Variants in VWC2L observed in about 807,000 individuals in gnomAD.
The protein encoded by VWC2L is von Willebrand factor C domain containing 2 like, also known as von Willebrand factor C domain-containing protein 2-like.
VWC2L carries 10 observed loss-of-function variants against 21.6 expected under a neutral mutation model. That is an observed-to-expected ratio of 0.46 (90% CI 0.29 to 0.78). The LOEUF (loss-of-function observed/expected upper bound fraction) is 0.78. Among genes scored for constraint, VWC2L ranks in the 30% least tolerant of loss-of-function variants. The probability of loss-of-function intolerance (pLI) is 0.10; values close to 1 mark genes in which losing one functional copy is unlikely to be tolerated. For synonymous variants in VWC2L, 96 were observed against 94.3 expected, an observed-to-expected ratio of 1.02 and a Z score of -0.10; for missense variants, 209 against 277.1, an observed-to-expected ratio of 0.75 and a Z score of 1.74.
chr2:214,540,078 G>A (rs569314587), intron 3 of VWC2L, among the ~76,000 whole-genome samples: 12 of 152,210 alleles, frequency 7.9e-5, no homozygotes, highest in Middle Eastern at 3.4e-3. Context: ...TATTTGTTTG[G>A]TGAGAGGCCC....
At chr2:214,480,190 C>T (rs1009418040) in intron 3 of VWC2L, among the ~76,000 whole-genome samples, 1 of 152,060 alleles carries the variant, frequency 6.6e-6, no homozygotes, top group Non-Finnish European at 1.5e-5. Flanking sequence ...GGAACTAATG[C>T]CCTGTGTATA....
chr2:214,413,892 G>A (rs545484627), intron 1 of VWC2L, among the ~76,000 whole-genome samples: 1 of 152,114 alleles, frequency 6.6e-6, no homozygotes, highest in South Asian at 2.1e-4. Flanking sequence ...CAAGCTGAAG[G>A]TTCCTATATA....
At chr2:214,497,197 T>C (rs540663859) in intron 3 of VWC2L, among the ~76,000 whole-genome samples, 237 of 102,590 alleles carry the variant, frequency 2.3e-3, no homozygotes, top group African/African-American at 8.7e-3. Context: ...TTTTATTTGA[T>C]AGTGTATTGG....
chr2:214,435,575 G>A lies in VWC2L; in HGVS notation c.391-1054G>A, dbSNP rs115146512. Reference sequence around the variant, plus strand: ...AGGGAAGAAATAAGAGCTGACAAGGGTTTTGGACAGTAGTCACTGAAACAA... The same window carrying A: ...AGGGAAGAAATAAGAGCTGACAAGGATTTTGGACAGTAGTCACTGAAACAA... On this transcript the variant is annotated intron_variant, in intron 2 of 3. Coordinates refer to ENST00000312504, the MANE Select transcript of VWC2L (RefSeq NM_001080500.4). Among the ~76,000 whole-genome samples the A allele has an allele frequency of 3.1e-3, 469 of 152,246 alleles. 2 individuals are homozygous for A. The highest frequency in any genetic ancestry group is 0.011 in the African/African-American group (446 of 41,552).
intron 3 of VWC2L, among the ~76,000 whole-genome samples, chr2:214,460,778 A>T: frequency 6.6e-6 from 1 of 150,882 alleles, no homozygotes; most frequent in African/African-American, 2.4e-5. Flanking sequence ...TTTCATTGGA[A>T]TGTGTTACTG....
chr2:214,569,335 A>T (rs1446075963), intron 3 of VWC2L, among the ~76,000 whole-genome samples: 1 of 152,076 alleles, frequency 6.6e-6, no homozygotes, highest in African/African-American at 2.4e-5. Context: ...ACACACACAC[A>T]GACACACACA....
intron 3 of VWC2L, among the ~76,000 whole-genome samples, chr2:214,509,182 C>G (rs946248130): frequency 1.3e-5 from 2 of 152,132 alleles, no homozygotes; most frequent in African/African-American, 4.8e-5. Flanking sequence ...GAAATCACCT[C>G]CCATATAAAC....
intron 3 of VWC2L, among the ~76,000 whole-genome samples, chr2:214,457,635 A>T (rs564596168): frequency 2.0e-5 from 3 of 152,082 alleles, no homozygotes; most frequent in Non-Finnish European, 4.4e-5. Context: ...TTTGCTATAT[A>T]TGGGCTTTAT....
chr2:214,566,095 G>T (rs542826786), intron 3 of VWC2L, among the ~76,000 whole-genome samples: 1 of 152,288 alleles, frequency 6.6e-6, no homozygotes, highest in Non-Finnish European at 1.5e-5. Context: ...ATCTAACAAG[G>T]TGGGGTTAGT....
At chr2:214,519,060 A>C (rs184044972) in intron 3 of VWC2L, among the ~76,000 whole-genome samples, 3 of 152,328 alleles carry the variant, frequency 2.0e-5, no homozygotes, top group Admixed American at 2.0e-4. Flanking sequence ...CAGGTTGCTT[A>C]TACAAACTTT....
intron 2 of VWC2L, among the ~76,000 whole-genome samples, chr2:214,435,946 T>C (rs758627975): frequency 6.6e-6 from 1 of 152,168 alleles, no homozygotes; most frequent in Non-Finnish European, 1.5e-5. Context: ...TTAATTATCA[T>C]TTTTAGTTCC....
intron 3 of VWC2L, among the ~76,000 whole-genome samples, chr2:214,501,614 C>G (rs374040829): frequency 1.3e-5 from 2 of 148,412 alleles, no homozygotes. Context: ...CCCAGCTACT[C>G]GGGAGGCTGA....
At chr2:214,424,306 C>A (rs1444766071) in intron 2 of VWC2L, among the ~76,000 whole-genome samples, 1 of 152,090 alleles carries the variant, frequency 6.6e-6, no homozygotes, top group Non-Finnish European at 1.5e-5. Context: ...ATGATGCATC[C>A]TTTAACCTCT....
chr2:214,529,486 G>T lies in VWC2L; in HGVS notation c.521-46186G>T, dbSNP rs376842018. Among the ~76,000 whole-genome samples the T allele has an allele frequency of 1.9e-3, 282 of 152,188 alleles. 1 individual carries two copies. Among genetic ancestry groups the T allele is most frequent in the African/African-American group, 6.5e-3 (272 of 41,528 alleles). ...TACGGAAACTCAATGACCAAACTCT[G>T]TTTTCTCCTTTATTTTTTATATGCC... On this transcript the variant is annotated intron_variant, in intron 3 of 3. Transcript: ENST00000312504.
At chr2:214,558,809 T>C (rs1408339047) in intron 3 of VWC2L, among the ~76,000 whole-genome samples, 1 of 140,266 alleles carries the variant, frequency 7.1e-6, no homozygotes, top group African/African-American at 2.8e-5. Context: ...CCAACTATAG[T>C]TTTGTTTTTT....
chr2:214,503,825 A>G (rs1688929806), intron 3 of VWC2L, among the ~76,000 whole-genome samples: 1 of 151,994 alleles, frequency 6.6e-6, no homozygotes, highest in African/African-American at 2.4e-5. Flanking sequence ...GCTTTTTGTT[A>G]TATCTTTTCT....
intron 2 of VWC2L, 80 bp from the exon 3 acceptor site, chr2:214,436,549 T>A (rs1702682017): frequency 1.3e-6 from 2 of 1,520,454 alleles, no homozygotes; most frequent in South Asian, 1.2e-5. Flanking sequence ...TAAGCACTGA[T>A]GTTTTGTCTT....
rs79359275 is a variant in VWC2L at position 214,468,794 on chromosome 2, A to C, written c.520+32036A>C. ...TTTGACAAGCCACCAAACACAGCAT[A>C]GGTTTGCTGACTTAAAACCAAAACT... On this transcript the variant is annotated intron_variant, in intron 3 of 3. Coordinates refer to ENST00000312504, the MANE Select transcript of VWC2L (RefSeq NM_001080500.4). Among the ~76,000 whole-genome samples the C allele has an allele frequency of 3.0e-3, 454 of 152,286 alleles. 3 individuals carry two copies. The highest frequency in any genetic ancestry group is 0.01 in the African/African-American group (432 of 41,562).
intron 3 of VWC2L, among the ~76,000 whole-genome samples, chr2:214,454,093 G>A (rs2126185897): frequency 1.3e-5 from 2 of 151,980 alleles, no homozygotes; most frequent in South Asian, 4.2e-4. Flanking sequence ...TATAGAAATA[G>A]AATTGATATT....
Sources: allele counts gnomAD v4.1 joint callset (sites outside exome capture counted in the v4.1 genomes callset), GRCh38; gene constraint gnomAD v4.1.1; transcripts MANE v1.5; gene names NCBI Gene and HGNC (gene_info 2026-07-23, HGNC 2026-07-21).